Variants in ITPKA observed in about 807,000 individuals in gnomAD.
ITPKA encodes IP3 3-kinase A.
Under a neutral mutation model 40.7 loss-of-function variants are expected in ITPKA, and 16 were observed. The observed-to-expected ratio is 0.39, with a 90% CI of 0.27 to 0.60. The LOEUF (loss-of-function observed/expected upper bound fraction) is 0.60. Ranked by LOEUF, ITPKA falls within the 20% of genes least tolerant of loss-of-function variation. The pLI is 0.50. For missense variants in ITPKA, 540 were observed against 649.3 expected, an observed-to-expected ratio of 0.83 and a Z score of 1.83; for synonymous variants, 313 against 289.9, an observed-to-expected ratio of 1.08 and a Z score of -0.81.
In ITPKA at chr15:41,494,020, C is replaced by G. The variant is rs1321786700; in HGVS notation, c.93C>G (p.Val31=). ...TGGAGCGGGCCCCGCGCCGGAGTGT[C>G]GGGGAGCTGCGCCTGCTCTTCGAGG... is the stretch of plus-strand genomic sequence containing the variant. ...PGLERAPRRS[V]GELRLLFEAR... is the part of the protein sequence containing the mutation. Residue 31 remains valine, a synonymous_variant, in exon 1 of 7, where the codon GTC becomes GTG. Transcript: ENST00000260386. This position sits in a 1 kb window ranked among gnomAD's most constrained non-coding sequence, Gnocchi z 7.8. 7 of 1,188,648 alleles carry G rather than the reference C, an allele frequency of 5.9e-6. No homozygotes were observed. Among genetic ancestry groups the G allele is most frequent in the Non-Finnish European group, 7.3e-6 (7 of 961,606 alleles). The allele number at this position is 1,188,648 out of a possible 1,614,324, so 73.6% of individuals were successfully genotyped here. A position where few individuals can be genotyped will look rare whatever the true frequency, so the allele number is the denominator to read the frequency against.
At position 41,494,198 on chromosome 15, in the gene ITPKA, G is replaced by A; in HGVS notation, c.271G>A (p.Val91Met). 5 of 1,522,832 alleles carry A rather than the reference G, an allele frequency of 3.3e-6. No homozygotes were observed. The highest frequency in any genetic ancestry group is 2.5e-5 in the East Asian group (1 of 39,268). 94.3% of individuals were successfully genotyped at this position (1,522,832 alleles called of 1,614,324 possible). A position where few individuals can be genotyped will look rare whatever the true frequency, so the allele number is the denominator to read the frequency against. Residue 91 changes from valine to methionine, a missense_variant, in exon 1 of 7, where the codon GTG becomes ATG. Physicochemically the swap from Val to Met is conservative, Grantham distance 21. Coordinates refer to ENST00000260386, the MANE Select transcript of ITPKA (RefSeq NM_002220.3). The surrounding 1 kb of genome is among the most constrained non-coding windows in gnomAD (Gnocchi z 7.8). Reference sequence around the variant, plus strand: ...GACCGTGACAGCCGAGGAGCCCGACGTGCCCCCGACCAGCCCTGGGCCGCC... The same window carrying A: ...GACCGTGACAGCCGAGGAGCCCGACATGCCCCCGACCAGCCCTGGGCCGCC... ...QLTVTAEEPDVPPTSPGPPER... is the reference protein window; with the variant it reads ...QLTVTAEEPDMPPTSPGPPER...
chr15:41,500,167 G>A (rs2051100119), intron 1 of ITPKA, among the ~76,000 whole-genome samples: 1 of 152,172 alleles, frequency 6.6e-6, no homozygotes, highest in South Asian at 2.1e-4. Context: ...CACCATGTTG[G>A]CTAGGATGGT....
Position 41,494,296 on chromosome 15 carries a change from G to T in ITPKA, c.369G>T (p.Ser123=), listed in dbSNP as rs374059377. The T allele has an allele frequency of 8.4e-5, 130 of 1,546,482 alleles. No homozygotes were observed. In the African/African-American group the frequency reaches 1.6e-3, roughly 19 times the overall value. The stretch of plus-strand genomic sequence containing the variant: ...AGCAGCCGCGCCGCCTTTCCACCTC[G>T]TCGGTCTCCTCCACTGGCTCCTCGT... The part of the protein sequence containing the change: ...HLQQPRRLST[S]SVSSTGSSSL... Residue 123 remains serine, a synonymous_variant, in exon 1 of 7, where the codon TCG becomes TCT. Transcript: ENST00000260386. This position sits in a 1 kb window ranked among gnomAD's most constrained non-coding sequence, Gnocchi z 7.8.
chr15:41,498,789 C>T (rs1757459), intron 1 of ITPKA, among the ~76,000 whole-genome samples: 24,202 of 152,260 alleles, frequency 0.16, 2,520 homozygotes, highest in Non-Finnish European at 0.22. Context: ...CACTTCACCA[C>T]GCACAAAGCA....
Position 41,503,052 on chromosome 15 carries a change from C to G in ITPKA, c.1272C>G (p.Pro424=). The change falls in exon 7 of 7, where the codon CCC becomes CCG. Residue 424 remains proline (P), a synonymous_variant. Transcript: ENST00000260386. The stretch of plus-strand genomic sequence containing the variant: ...ACTTCGGCAAGACCACGCCCCTCCC[C>G]GATGGCCAGATCCTGGACCACCGGC... ...LIDFGKTTPL[P]DGQILDHRRP... 1 of 1,610,380 alleles carries G rather than the reference C, an allele frequency of 6.2e-7. No individual in the cohort carries two copies. The highest frequency in any genetic ancestry group is 8.5e-7 in the Non-Finnish European group (1 of 1,177,664).
rs756255009 is a variant in ITPKA, at chr15:41,502,824, A to G, written c.1147A>G (p.Thr383Ala). ...GAACCGCCTGCAGCAGATCCGGGACACCCTGGAGGTATCCGAGTTCTTCAG... is the reference window on the plus strand; with the variant it reads ...GAACCGCCTGCAGCAGATCCGGGACGCCCTGGAGGTATCCGAGTTCTTCAG... ...YLNRLQQIRD[T>A]LEVSEFFRRH... Residue 383 changes from threonine to alanine, a missense_variant, in exon 6 of 7, where the codon ACC becomes GCC. Thr to Ala is a moderately conservative substitution (Grantham distance 58). Transcript: ENST00000260386. 6.2e-7 allele frequency: 1 copy of G among 1,612,672 alleles called. No individual in the cohort carries two copies. The highest frequency in any genetic ancestry group is 1.1e-5 in the South Asian group (1 of 90,876).
intron 1 of ITPKA, 105 bp from the exon 2 acceptor site, chr15:41,501,358 C>A (rs2051108664): frequency 6.6e-7 from 1 of 1,506,520 alleles, no homozygotes; most frequent in Non-Finnish European, 8.9e-7. Context: ...CCAGCCCCAG[C>A]TGCTTCCGGT....
intron 5 of ITPKA, 23 bp downstream of exon 5, chr15:41,502,526 T>G: frequency 7.2e-7 from 1 of 1,386,674 alleles, no homozygotes; most frequent in Non-Finnish European, 1.0e-6. Context: ...TCCCAAACCC[T>G]GAGGTGTTGG....
chr15:41,499,905 C>T (rs892547671), intron 1 of ITPKA, among the ~76,000 whole-genome samples: 5 of 152,216 alleles, frequency 3.3e-5, no homozygotes, highest in Admixed American at 6.5e-5. Context: ...AAACAACCCT[C>T]GTCTCCTTCC....
intron 1 of ITPKA, among the ~76,000 whole-genome samples, chr15:41,495,412 AGAGCTGTG>A (rs2051063865): frequency 6.6e-6 from 1 of 152,008 alleles, no homozygotes; most frequent in Non-Finnish European, 1.5e-5. Flanking sequence ...CGGGGCGGGG[AGAGCTGTG>A]GCCGCGCGCC....
chr15:41,501,872 C>G lies in ITPKA; in HGVS notation c.803+21C>G, dbSNP rs1216558079. On this transcript the variant is annotated intron_variant, in intron 3 of 6. Coordinates refer to ENST00000260386, the MANE Select transcript of ITPKA (RefSeq NM_002220.3). ...GTCAGGTATGCGTGCCCTGCCAGGT[C>G]GGTTGGGGGGATCAAGTAGGGGTCC... 3 of 1,608,462 alleles carry G rather than the reference C, an allele frequency of 1.9e-6. No homozygotes were observed. The Admixed American group carries it at 5.0e-5, about 27-fold the overall frequency.
At chr15:41,502,272 C>T (rs1299502521) in intron 4 of ITPKA, 71 bp downstream of exon 4, 3 of 1,366,400 alleles carry the variant, frequency 2.2e-6, no homozygotes, top group African/African-American at 2.8e-5. Flanking sequence ...CCCCCGCTCC[C>T]GCCCCGCCTG....
intron 4 of ITPKA, 85 bp downstream of exon 4, chr15:41,502,286 C>T: frequency 7.6e-7 from 1 of 1,319,860 alleles, no homozygotes; most frequent in Non-Finnish European, 1.1e-6. Flanking sequence ...CCGCCTGCCC[C>T]TCCGCCCTCT....
At position 41,503,011 on chromosome 15, in the gene ITPKA, G is replaced by A. The variant is rs376720541; in HGVS notation, c.1231G>A (p.Gly411Ser). 8.7e-6 allele frequency: 14 copies of A among 1,608,384 alleles called. No homozygotes were observed. Among genetic ancestry groups the A allele is most frequent in the African/African-American group, 2.7e-5 (2 of 74,836 alleles). ...TGTGCACGATCACTGCCATCGCGCC[G>A]GCGTGTGGCTCATCGACTTCGGCAA... ...LFVHDHCHRAGVWLIDFGKTT... is the reference protein window; with the variant it reads ...LFVHDHCHRASVWLIDFGKTT... The change falls in exon 7 of 7, where the codon GGC (glycine) becomes AGC (serine). Residue 411 changes from glycine (G) to serine (S), a missense_variant. By Grantham distance (56) the Gly-to-Ser change is moderately conservative. Transcript: ENST00000260386.
chr15:41,494,216 G>A lies in ITPKA; in HGVS notation c.289G>A (p.Gly97Arg). Reference protein sequence around the residue: ...EEPDVPPTSPGPPERERDCLP... With the variant: ...EEPDVPPTSPRPPERERDCLP... ...GCCCGACGTGCCCCCGACCAGCCCT[G>A]GGCCGCCGGAGCGGGAGAGGGACTG... The change falls in exon 1 of 7, where the codon GGG becomes AGG. Residue 97 changes from glycine (G) to arginine (R), a missense_variant. By Grantham distance (125) the Gly-to-Arg change is moderately radical (BLOSUM62 -2). Coordinates refer to ENST00000260386, the MANE Select transcript of ITPKA (RefSeq NM_002220.3). This position sits in a 1 kb window ranked among gnomAD's most constrained non-coding sequence, Gnocchi z 7.8. The A allele has an allele frequency of 3.3e-6, 5 of 1,533,746 alleles. No homozygotes were observed. Among genetic ancestry groups the A allele is most frequent in the Non-Finnish European group, 4.4e-6 (5 of 1,147,226 alleles).
At chr15:41,501,875 T>C (rs1312928145) in intron 3 of ITPKA, 24 bp downstream of exon 3, 6 of 1,608,184 alleles carry the variant, frequency 3.7e-6, no homozygotes, top group East Asian at 2.2e-5. Flanking sequence ...GCCAGGTCGG[T>C]TGGGGGGATC....
At chr15:41,501,429 G>A (rs1162632615) in intron 1 of ITPKA, 34 bp from the exon 2 acceptor site, 1 of 1,580,956 alleles carries the variant, frequency 6.3e-7, no homozygotes, top group Admixed American at 1.8e-5. Flanking sequence ...TTGCCGAGAC[G>A]CCGATTATCA....
intron 5 of ITPKA, 90 bp downstream of exon 5, chr15:41,502,593 C>T (rs2051125219): frequency 1.1e-6 from 1 of 928,344 alleles, no homozygotes; most frequent in Non-Finnish European, 1.7e-6. Flanking sequence ...CGGCTGTGTC[C>T]CCACCATGGC....
At position 41,502,419 on chromosome 15, in the gene ITPKA, C is replaced by T. The variant is rs774009465; in HGVS notation, c.1026C>T (p.Cys342=). 1 of 1,602,660 alleles carries T rather than the reference C, an allele frequency of 6.2e-7. No homozygotes were observed. The highest frequency in any genetic ancestry group is 1.1e-5 in the South Asian group (1 of 90,926). ...ACATCCAGAAAGCGGACGGCTCCTG[C>T]AGCACCGACTTCAAGACTACGCGAA... ...IEGIKKADGS[C]STDFKTTRSR... is the part of the protein sequence containing the mutation. Residue 342 remains cysteine, a synonymous_variant, in exon 5 of 7, where the codon TGC becomes TGT. Transcript: ENST00000260386.
Sources: gnomAD v4.1 joint callset for allele counts (sites outside exome capture counted in the v4.1 genomes callset) on GRCh38, gnomAD v4.1.1 for gene constraint, Gnocchi (gnomAD v3.1) non-coding constraint, MANE v1.5 for transcripts, NCBI Gene and HGNC (gene_info 2026-07-23, HGNC 2026-07-21) for gene names.